CNTN4: variants seen among roughly 807,000 people sequenced by gnomAD.
CNTN4 encodes contactin-4.
CNTN4 carries 77 observed loss-of-function variants against 122.5 expected under a neutral mutation model. The ratio of observed to expected loss-of-function variants is 0.63; its 90% CI spans 0.52 to 0.76. The LOEUF is 0.76. CNTN4 is among the 30% of genes least tolerant of loss of function. The probability of loss-of-function intolerance (pLI) is 0.00; values close to 1 mark genes in which losing one functional copy is unlikely to be tolerated. For synonymous variants in CNTN4, 512 were observed against 447.0 expected (o/e 1.15, Z -1.83); for missense variants, 1,256 against 1,259.1 (o/e 1.00, Z 0.04).
At chr3:2,214,202 G>A (rs2038737758) in intron 2 of CNTN4, among the ~76,000 whole-genome samples, 1 of 152,122 alleles carries the variant, frequency 6.6e-6, no homozygotes, top group South Asian at 2.1e-4. Flanking sequence ...CCTCTCCTGA[G>A]TATGGAAATC....
chr3:2,697,360 C>G (rs150451015), intron 4 of CNTN4, among the ~76,000 whole-genome samples: 2,062 of 152,276 alleles, frequency 0.014, 23 homozygotes, highest in African/African-American at 0.027. Context: ...CTATTTTCAG[C>G]AGTCCATTTG....
At chr3:2,759,793 A>G (rs1315561733) in intron 6 of CNTN4, among the ~76,000 whole-genome samples, 1 of 151,766 alleles carries the variant, frequency 6.6e-6, no homozygotes, top group Non-Finnish European at 1.5e-5. Flanking sequence ...TTACAGTCCT[A>G]CCAACTGTAT....
At chr3:2,438,048 C>T (rs1302265078) in intron 3 of CNTN4, among the ~76,000 whole-genome samples, 1 of 152,068 alleles carries the variant, frequency 6.6e-6, no homozygotes, top group Non-Finnish European at 1.5e-5. Context: ...TTTTGCCTAC[C>T]TTACCTTCTA....
chr3:2,744,196 C>T (rs1014593073), intron 5 of CNTN4, among the ~76,000 whole-genome samples: 5 of 152,168 alleles, frequency 3.3e-5, no homozygotes, highest in Non-Finnish European at 7.4e-5. Context: ...TGAAGTGGGA[C>T]AGAGGTCTTG....
At chr3:2,432,287 A>T (rs1575616513) in intron 3 of CNTN4, among the ~76,000 whole-genome samples, 1 of 152,206 alleles carries the variant, frequency 6.6e-6, no homozygotes, top group African/African-American at 2.4e-5. Context: ...TAAAATATTT[A>T]TGGAACGTTT....
chr3:2,306,582 G>C (rs1024254498), intron 2 of CNTN4, among the ~76,000 whole-genome samples: 6 of 151,664 alleles, frequency 4.0e-5, no homozygotes, highest in Admixed American at 6.6e-5. Context: ...TTTTTTTTCA[G>C]GATGTTTCAG....
At chr3:2,792,513 A>G (rs1185798762) in intron 6 of CNTN4, among the ~76,000 whole-genome samples, 1 of 152,242 alleles carries the variant, frequency 6.6e-6, no homozygotes, top group Non-Finnish European at 1.5e-5. Flanking sequence ...GCAGCTGAAT[A>G]TGTACTAATT....
At chr3:2,240,054 TAATTCA>T (rs547508514) in intron 2 of CNTN4, among the ~76,000 whole-genome samples, 57 of 152,334 alleles carry the variant, frequency 3.7e-4, no homozygotes, top group African/African-American at 1.3e-3. Flanking sequence ...TGGATTTGAA[TAATTCA>T]CTTGATTCTT....
At chr3:2,701,301 CT>C (rs1437407462) in intron 4 of CNTN4, among the ~76,000 whole-genome samples, 1 of 152,108 alleles carries the variant, frequency 6.6e-6, no homozygotes, top group African/African-American at 2.4e-5. Flanking sequence ...GGTTACTGAT[CT>C]TGGTCCTGGA....
chr3:2,605,361 G>C (rs1247511577), intron 4 of CNTN4, among the ~76,000 whole-genome samples: 1 of 152,184 alleles, frequency 6.6e-6, no homozygotes, highest in African/African-American at 2.4e-5. Context: ...GGAGGTGGGA[G>C]AAGGGGATCA....
intron 4 of CNTN4, among the ~76,000 whole-genome samples, chr3:2,626,982 C>A (rs1226905404): frequency 6.6e-6 from 1 of 152,220 alleles, no homozygotes; most frequent in Non-Finnish European, 1.5e-5. Flanking sequence ...CATACTCAGT[C>A]TGCCCTTGGT....
chr3:2,515,569 C>T (rs934966784), intron 3 of CNTN4, among the ~76,000 whole-genome samples: 36 of 151,772 alleles, frequency 2.4e-4, no homozygotes, highest in Non-Finnish European at 3.7e-4. Context: ...CTTTGTGAAA[C>T]ATGAGATAGG....
chr3:2,268,853 C>G (rs2041157786), intron 2 of CNTN4, among the ~76,000 whole-genome samples: 1 of 152,126 alleles, frequency 6.6e-6, no homozygotes. Flanking sequence ...GCATTTCACT[C>G]TTGAACTCTT....
At chr3:2,284,968 A>G (rs990312673) in intron 2 of CNTN4, among the ~76,000 whole-genome samples, 1 of 151,972 alleles carries the variant, frequency 6.6e-6, no homozygotes, top group African/African-American at 2.4e-5. Context: ...GTAGTGGGTA[A>G]TAGGATAGTT....
chr3:3,009,538 A>G (rs1022840385), intron 14 of CNTN4, among the ~76,000 whole-genome samples: 26 of 150,668 alleles, frequency 1.7e-4, no homozygotes, highest in African/African-American at 6.1e-4. Flanking sequence ...GGTTCCCGCC[A>G]TTCTCCTGCC....
chr3:2,546,476 T>G (rs560324679), intron 3 of CNTN4, among the ~76,000 whole-genome samples: 1 of 151,918 alleles, frequency 6.6e-6, no homozygotes, highest in African/African-American at 2.4e-5. Flanking sequence ...AGGGGAAGAA[T>G]AGGCACTGGG....
chr3:2,689,416 C>G (rs988364722), intron 4 of CNTN4, among the ~76,000 whole-genome samples: 2 of 152,134 alleles, frequency 1.3e-5, no homozygotes, highest in Non-Finnish European at 2.9e-5. Context: ...GTAGAGGGAG[C>G]ATTTTGGCTC....
chr3:2,463,027 G>T (rs1328548926), intron 3 of CNTN4, among the ~76,000 whole-genome samples: 2 of 152,114 alleles, frequency 1.3e-5, no homozygotes, highest in Non-Finnish European at 2.9e-5. Context: ...CCATATTTGA[G>T]AACCATTTCC....
chr3:2,694,021 G>A (rs1024080304), intron 4 of CNTN4, among the ~76,000 whole-genome samples: 41 of 152,052 alleles, frequency 2.7e-4, no homozygotes, highest in Admixed American at 2.0e-3. Flanking sequence ...CCACTTCCCC[G>A]TTTACTTACA....
Sources: gnomAD v4.1 joint callset for allele counts (sites outside exome capture counted in the v4.1 genomes callset) on GRCh38, gnomAD v4.1.1 for gene constraint, MANE v1.5 for transcripts, NCBI Gene and HGNC (gene_info 2026-07-23, HGNC 2026-07-21) for gene names.